Variants in PRPF8 observed in about 807,000 individuals in gnomAD.
PRPF8 encodes pre-mRNA-processing-splicing factor 8.
PRPF8 carries 64 observed loss-of-function variants against 285.9 expected under a neutral mutation model. The observed-to-expected ratio is 0.22, with a 90% CI of 0.18 to 0.28. The LOEUF is 0.28. PRPF8 is among the 10% of genes least tolerant of loss of function. The probability of loss-of-function intolerance (pLI) is 1.00; values close to 1 mark genes in which losing one functional copy is unlikely to be tolerated. For synonymous variants in PRPF8, 1,325 were observed against 1,118.2 expected, an observed-to-expected ratio of 1.18 and a Z score of -3.69; for missense variants, 1,426 against 3,026.7, an observed-to-expected ratio of 0.47 and a Z score of 12.41.
chr17:1,677,208 G>C, intron 14 of PRPF8, 36 bp from the exon 15 acceptor site: 1 of 1,584,346 alleles, frequency 6.3e-7, no homozygotes, highest in Non-Finnish European at 8.6e-7. Context: ...TTACAAGGAA[G>C]ATTCCTTGCT....
rs1912739270 is a variant in PRPF8, at chr17:1,678,572, T to C, written c.1800A>G (p.Arg600=). The C allele has an allele frequency of 3.7e-6, 6 of 1,614,238 alleles. No homozygotes were observed. In the East Asian group the frequency reaches 1.3e-4, roughly 36 times the overall value. ...TCAGGTCCTTGCACATGCGAATCTG[T>C]CGCATCAGCTTGTATTTGTATCGAT... ...GMYRYKYKLM[R]QIRMCKDLKH... is the part of the protein sequence containing the mutation. The change falls in exon 13 of 43, where the codon CGA becomes CGG. Residue 600 remains arginine (R), a synonymous_variant. Transcript: ENST00000304992.
rs764400205 is a variant in PRPF8 at position 1,680,741 on chromosome 17, A to G, written c.1083T>C (p.His361=). Residue 361 remains histidine, a synonymous_variant, in exon 8 of 43, where the codon CAT becomes CAC. Transcript: ENST00000304992. ...CCTTCCTCACCTTGACTGAGTGCCT[A>G]TGGGAGATTGGGTTGATCAAAGGGT... ...YFDPLINPIS[H]RHSVKSQEPL... 8.1e-6 allele frequency: 13 copies of G among 1,612,608 alleles called. No homozygotes were observed. Among genetic ancestry groups the G allele is most frequent in the Non-Finnish European group, 1.0e-5 (12 of 1,178,766 alleles).
rs1245462777 is a variant in PRPF8 at position 1,661,841 on chromosome 17, A to G, written c.4023-51T>C. On this transcript the variant is annotated intron_variant, in intron 25 of 42. Transcript: ENST00000304992. This position sits in a 1 kb window ranked among gnomAD's most constrained non-coding sequence, Gnocchi z 7.3. ...CAGAAAAAATAAAGCCTAAAACTAA[A>G]GAAATACCCACTTCCCTTAGGGCCT... 2.5e-6 allele frequency: 4 copies of G among 1,614,200 alleles called. No homozygotes were observed. The highest frequency in any genetic ancestry group is 2.5e-6 in the Non-Finnish European group (3 of 1,180,048).
In PRPF8 at chr17:1,659,112, G is replaced by A. The variant is rs1244644858; in HGVS notation, c.5138+245C>T. On this transcript the variant is annotated intron_variant, in intron 32 of 42. Transcript: ENST00000304992. The surrounding 1 kb of genome is among the most constrained non-coding windows in gnomAD (Gnocchi z 5.1). ...GCAATCTCGGTTCACTGCAAGCTCC[G>A]CCTCCCGGGTTCAAGTAATTCTCCC... The A allele has an allele frequency of 1.7e-5, 11 of 628,634 alleles. No individual in the cohort carries two copies. The highest frequency in any genetic ancestry group is 1.6e-4 in the Admixed American group (6 of 38,424). 38.9% of individuals were successfully genotyped at this position (628,634 alleles called of 1,614,324 possible).
chr17:1,675,000 C>T (rs1220492437), intron 20 of PRPF8, 152 bp downstream of exon 20: 2 of 912,060 alleles, frequency 2.2e-6, no homozygotes, highest in Non-Finnish European at 3.5e-6. Flanking sequence ...GTCTCGAACT[C>T]CTGACCTCGT....
At position 1,681,873 on chromosome 17, in the gene PRPF8, G is replaced by A. The variant is rs755686325; in HGVS notation, c.600C>T (p.Asp200=). The A allele has an allele frequency of 2.9e-5, 46 of 1,613,642 alleles. No individual in the cohort carries two copies. Among genetic ancestry groups the A allele is most frequent in the Middle Eastern group, 3.3e-4 (2 of 6,084 alleles). Residue 200 remains aspartate, a synonymous_variant, in exon 5 of 43, where the codon GAC becomes GAT. Transcript: ENST00000304992. ...CATAGAACCAGTCCAACACAGGGGC[G>A]TCCTCCTCAGGGTCCAGCTCTAGCT... ...AIQLELDPEE[D]APVLDWFYDH...
chr17:1,675,898 C>CA lies in PRPF8; in HGVS notation c.2679+29dup. ...AGGCAACTGCTACCTTTGGTAGAAC[C>CA]AAAAAGAAAACTTGGGAGGCCTCAC... On this transcript the variant is annotated intron_variant, in intron 18 of 42. Transcript: ENST00000304992. This position sits in a 1 kb window ranked among gnomAD's most constrained non-coding sequence, Gnocchi z 6.0. 1 of 1,613,810 alleles carries CA rather than the reference C, an allele frequency of 6.2e-7. No homozygotes were observed.
At chr17:1,667,661 A>C (rs906435186) in intron 24 of PRPF8, among the ~76,000 whole-genome samples, 4 of 148,174 alleles carry the variant, frequency 2.7e-5, no homozygotes, top group South Asian at 2.1e-4. Flanking sequence ...CTCCTGCTTC[A>C]GTCTCCAGAG....
chr17:1,675,892 T>C lies in PRPF8; in HGVS notation c.2679+36A>G. On this transcript the variant is annotated intron_variant, in intron 18 of 42. Transcript: ENST00000304992. This position sits in a 1 kb window ranked among gnomAD's most constrained non-coding sequence, Gnocchi z 6.0. Reference sequence around the variant, plus strand: ...AACCAAAGGCAACTGCTACCTTTGGTAGAACCAAAAAGAAAACTTGGGAGG... The same window carrying C: ...AACCAAAGGCAACTGCTACCTTTGGCAGAACCAAAAAGAAAACTTGGGAGG... The C allele has an allele frequency of 1.2e-6, 2 of 1,613,908 alleles. No individual in the cohort carries two copies. The highest frequency in any genetic ancestry group is 1.1e-5 in the South Asian group (1 of 91,068).
chr17:1,676,378 G>A lies in PRPF8; in HGVS notation c.2389-8C>T, dbSNP rs1480189471. The A allele has an allele frequency of 4.3e-6, 7 of 1,614,014 alleles. No homozygotes were observed. The highest frequency in any genetic ancestry group is 5.1e-6 in the Non-Finnish European group (6 of 1,180,032). ...TGTGATGTAAGGCCCGTCCTGTAAG[G>A]TGGACATGAAATTAGCCTCCCGCTA... is the stretch of plus-strand genomic sequence containing the variant. On this transcript the variant is annotated splice_region_variant and splice_polypyrimidine_tract_variant and intron_variant, in intron 16 of 42. Transcript: ENST00000304992. This position sits in a 1 kb window ranked among gnomAD's most constrained non-coding sequence, Gnocchi z 6.3.
intron 24 of PRPF8, among the ~76,000 whole-genome samples, chr17:1,665,748 A>C (rs1911938972): frequency 6.6e-6 from 1 of 150,762 alleles, no homozygotes; most frequent in Admixed American, 6.7e-5. Flanking sequence ...CGGGAGACTG[A>C]GGCAGGAGAA....
At position 1,659,516 on chromosome 17, in the gene PRPF8, T is replaced by G; in HGVS notation, c.4979A>C (p.Tyr1660Ser). Residue 1660 changes from tyrosine to serine, a missense_variant, in exon 32 of 43, where the codon TAC becomes TCC. Coordinates refer to ENST00000304992, the MANE Select transcript of PRPF8 (RefSeq NM_006445.4). This position sits in a 1 kb window ranked among gnomAD's most constrained non-coding sequence, Gnocchi z 5.1. Reference sequence around the variant, plus strand: ...CCAGCGCAACTGGATGTCAATCCAGTATTTCTGGGTGGTGGTGCTGTCCAT... The same window carrying G: ...CCAGCGCAACTGGATGTCAATCCAGGATTTCTGGGTGGTGGTGCTGTCCAT... ...DVMDSTTTQKYWIDIQLRWGD... is the reference protein window; with the variant it reads ...DVMDSTTTQKSWIDIQLRWGD... 1.9e-6 allele frequency: 3 copies of G among 1,614,058 alleles called. No homozygotes were observed. The highest frequency in any genetic ancestry group is 2.5e-6 in the Non-Finnish European group (3 of 1,180,000).
intron 13 of PRPF8, among the ~76,000 whole-genome samples, chr17:1,678,239 C>T (rs202233153): frequency 2.6e-5 from 4 of 152,158 alleles, no homozygotes; most frequent in East Asian, 3.9e-4. Flanking sequence ...CACTTCAACC[C>T]GGGAGGCGGA....
At position 1,659,738 on chromosome 17, in the gene PRPF8, T is replaced by C; in HGVS notation, c.4946+103A>G. The C allele has an allele frequency of 6.7e-7, 1 of 1,483,902 alleles. No individual in the cohort carries two copies. Among genetic ancestry groups the C allele is most frequent in the Non-Finnish European group, 9.2e-7 (1 of 1,082,360 alleles). The allele number at this position is 1,483,902 out of a possible 1,614,324, so 91.9% of individuals were successfully genotyped here. On this transcript the variant is annotated intron_variant, in intron 31 of 42. Transcript: ENST00000304992. This position sits in a 1 kb window ranked among gnomAD's most constrained non-coding sequence, Gnocchi z 5.1. ...CTCCAAGCGTAGCACTGGCTCCAAG[T>C]TTGAAACAAAGGCAGACAGGACAAT...
Position 1,683,674 on chromosome 17 carries a change from T to C in PRPF8, c.128A>G (p.Lys43Arg), listed in dbSNP as rs748938784. 2 of 1,614,118 alleles carry C rather than the reference T, an allele frequency of 1.2e-6. No homozygotes were observed. The highest frequency in any genetic ancestry group is 1.7e-5 in the Admixed American group (1 of 60,008). Residue 43 changes from lysine (K) to arginine (R), a missense_variant, in exon 3 of 43, where the codon AAG becomes AGG. By Grantham distance (26) the Lys-to-Arg change is conservative (BLOSUM62 2). Around this residue, in one of 34 missense-constraint regions of PRPF8, gnomAD observed 72 missense variants for 80.0 expected, o/e 0.90. Coordinates refer to ENST00000304992, the MANE Select transcript of PRPF8 (RefSeq NM_006445.4). The part of the protein sequence containing the change: ...KARKWQQLQA[K>R]RYAEKRKFGF... ...AAACTTCCGCTTTTCTGCATAGCGC[T>C]TGGCCTGCAATTGCTGCCATTTTCG... is the stretch of plus-strand genomic sequence containing the variant.
chr17:1,652,957 G>A (rs60180307), intron 39 of PRPF8: 2,510 of 164,206 alleles, frequency 0.015, 57 homozygotes, highest in African/African-American at 0.052. Context: ...TTTTTTAGAC[G>A]GGGTCTTGCT....
Position 1,684,548 on chromosome 17 carries a change from T to C in PRPF8, c.24A>G (p.Arg8=), listed in dbSNP as rs1199189934. Residue 8 remains arginine (R), a synonymous_variant, in exon 2 of 43, where the codon CGA becomes CGG. Coordinates refer to ENST00000304992, the MANE Select transcript of PRPF8 (RefSeq NM_006445.4). ...GGCCAGGCACCGGGTTACCCGGCCC[T>C]CGATAAGGAAACACTCCGGCCATAT... MAGVFPY[R]GPGNPVPGPL... The C allele has an allele frequency of 1.9e-6, 3 of 1,612,432 alleles. No homozygotes were observed. The highest frequency in any genetic ancestry group is 1.7e-4 in the Middle Eastern group (1 of 6,060).
Position 1,675,265 on chromosome 17 carries a change from T to C in PRPF8, c.2947A>G (p.Lys983Glu). 6.2e-7 allele frequency: 1 copy of C among 1,614,160 alleles called. No homozygotes were observed. Among genetic ancestry groups the C allele is most frequent in the Non-Finnish European group, 8.5e-7 (1 of 1,180,024 alleles). ...CNVMLESRFE[K>E]MYEKIDLTLL... ...GTCAAGTCGATCTTCTCATACATCT[T>C]CTCAAAGCGGGATTCCAGCATGACA... Residue 983 changes from lysine (K) to glutamate (E), a missense_variant, in exon 20 of 43, where the codon AAG (lysine) becomes GAG (glutamate). Transcript: ENST00000304992. The surrounding 1 kb of genome is among the most constrained non-coding windows in gnomAD (Gnocchi z 6.0).
chr17:1,674,881 C>T (rs1912530381), intron 20 of PRPF8, among the ~76,000 whole-genome samples: 1 of 152,174 alleles, frequency 6.6e-6, no homozygotes, highest in African/African-American at 2.4e-5. Context: ...AAGTGATTCT[C>T]CTGCCTCAGC....
Sources: gnomAD v4.1 joint callset for allele counts (sites outside exome capture counted in the v4.1 genomes callset) on GRCh38, gnomAD v4.1.1 for gene constraint, gnomAD v4.1.1 regional missense constraint, Gnocchi (gnomAD v3.1) non-coding constraint, MANE v1.5 for transcripts, NCBI Gene and HGNC (gene_info 2026-07-23, HGNC 2026-07-21) for gene names.